NSMCE2: variants seen among roughly 807,000 people sequenced by gnomAD.
NSMCE2 encodes the protein E3 SUMO-protein ligase NSE2.
A neutral mutation model predicts 23.8 loss-of-function variants in NSMCE2; 24 were observed. The observed-to-expected ratio is 1.01, with a 90% CI of 0.73 to 1.42. NSMCE2 has a LOEUF of 1.42. Among genes scored for constraint, NSMCE2 ranks in the 40% most tolerant of loss-of-function variants. The pLI, the probability that NSMCE2 is intolerant of heterozygous loss-of-function variation, is 0.00. For missense variants in NSMCE2, 284 were observed against 296.5 expected, an observed-to-expected ratio of 0.96 and a Z score of 0.31; for synonymous variants, 92 against 94.1, an observed-to-expected ratio of 0.98 and a Z score of 0.13.
intron 5 of NSMCE2, among the ~76,000 whole-genome samples, chr8:125,349,683 T>C (rs1812949731): frequency 1.3e-5 from 2 of 152,134 alleles, no homozygotes; most frequent in South Asian, 4.1e-4. Context: ...TAAAACTTTC[T>C]AACTGGTAGC....
intron 5 of NSMCE2, among the ~76,000 whole-genome samples, chr8:125,190,597 G>T (rs1823301680): frequency 6.6e-6 from 1 of 152,140 alleles, no homozygotes; most frequent in Non-Finnish European, 1.5e-5. Context: ...TTTTAATGAG[G>T]TCATTAAGCT....
intron 3 of NSMCE2, among the ~76,000 whole-genome samples, chr8:125,115,526 A>C (rs1319269790): frequency 6.6e-6 from 1 of 152,196 alleles, no homozygotes; most frequent in Non-Finnish European, 1.5e-5. Context: ...CAAGTCACAC[A>C]GATCACCTGA....
At chr8:125,187,409 C>A (rs1233974135) in intron 5 of NSMCE2, among the ~76,000 whole-genome samples, 3 of 152,208 alleles carry the variant, frequency 2.0e-5, no homozygotes, top group Non-Finnish European at 4.4e-5. Flanking sequence ...CGGTTTAAGG[C>A]AGACATAACC....
chr8:125,216,167 A>G (rs1037480214), intron 5 of NSMCE2, among the ~76,000 whole-genome samples: 1 of 152,162 alleles, frequency 6.6e-6, no homozygotes, highest in Non-Finnish European at 1.5e-5. Context: ...ATTCTCTTTT[A>G]AGGCTGAATA....
chr8:125,224,020 G>GT (rs1334835282), intron 5 of NSMCE2, among the ~76,000 whole-genome samples: 1 of 151,968 alleles, frequency 6.6e-6, no homozygotes, highest in African/African-American at 2.4e-5. Context: ...TAAATTTTTA[G>GT]TAGAGAGGAG....
intron 5 of NSMCE2, among the ~76,000 whole-genome samples, chr8:125,292,453 C>T (rs1027383188): frequency 1.7e-4 from 26 of 151,926 alleles, no homozygotes; most frequent in African/African-American, 6.3e-4. Flanking sequence ...ACTTGGGAGG[C>T]TAAGGCAGGA....
intron 5 of NSMCE2, among the ~76,000 whole-genome samples, chr8:125,353,265 G>C (rs1484953513): frequency 1.3e-5 from 2 of 152,198 alleles, no homozygotes; most frequent in Admixed American, 6.5e-5. Context: ...ACAAAATTAA[G>C]AAAGAGCTAC....
intron 5 of NSMCE2, among the ~76,000 whole-genome samples, chr8:125,309,593 C>T (rs1828901096): frequency 6.6e-6 from 1 of 152,048 alleles, no homozygotes; most frequent in Non-Finnish European, 1.5e-5. Context: ...GGCGTGGTGG[C>T]ACATGCTTGC....
chr8:125,349,929 A>C (rs571387362), intron 5 of NSMCE2, among the ~76,000 whole-genome samples: 3 of 152,204 alleles, frequency 2.0e-5, no homozygotes, highest in Admixed American at 1.3e-4. Flanking sequence ...AAAACCTATA[A>C]AATCATCATT....
chr8:125,289,991 A>G (rs1828045295), intron 5 of NSMCE2, among the ~76,000 whole-genome samples: 1 of 152,216 alleles, frequency 6.6e-6, no homozygotes, highest in Non-Finnish European at 1.5e-5. Context: ...AGTGTTTTTC[A>G]CGGAGTTTAA....
Position 125,237,599 on chromosome 8 carries a change from T to G in NSMCE2, c.418+55343T>G, listed in dbSNP as rs115814644. On this transcript the variant is annotated intron_variant, in intron 5 of 7. Coordinates refer to ENST00000287437, the MANE Select transcript of NSMCE2 (RefSeq NM_173685.4). ...AGGAGATAATTCACTATCAGGCTGA[T>G]AGAGTAATTCAGTTATGCCCTATTC... Among the ~76,000 whole-genome samples the G allele has an allele frequency of 5.6e-3, 855 of 152,352 alleles. 10 individuals carry two copies. The highest frequency in any genetic ancestry group is 0.019 in the African/African-American group (805 of 41,592).
intron 5 of NSMCE2, among the ~76,000 whole-genome samples, chr8:125,338,041 A>ATT (rs1830120917): frequency 6.6e-6 from 1 of 152,160 alleles, no homozygotes; most frequent in African/African-American, 2.4e-5. Flanking sequence ...TTAAAGCTGG[A>ATT]ATGGATTTTT....
In NSMCE2 at chr8:125,199,075, CTCTT is replaced by C. The variant is rs1823754053; in HGVS notation, c.418+16821_418+16824del. 2.0e-5 allele frequency among the ~76,000 whole-genome samples: 3 copies of C among 152,084 alleles called. No homozygotes were observed. In the South Asian group the frequency reaches 6.2e-4, roughly 32 times the overall value. On this transcript the variant is annotated intron_variant, in intron 5 of 7. Transcript: ENST00000287437. The stretch of plus-strand genomic sequence containing the variant: ...TTTATTGCGTCTGTATGATTCCTCT[CTCTT>C]TTCTTCTTTATTAGTCTTGCTAGTG...
At chr8:125,115,264 A>C (rs1420171509) in intron 3 of NSMCE2, among the ~76,000 whole-genome samples, 1 of 152,176 alleles carries the variant, frequency 6.6e-6, no homozygotes, top group Non-Finnish European at 1.5e-5. Context: ...GCTGGTTATG[A>C]AGCAGTTACC....
intron 5 of NSMCE2, among the ~76,000 whole-genome samples, chr8:125,302,320 T>C (rs750709833): frequency 1.3e-5 from 2 of 152,076 alleles, no homozygotes; most frequent in South Asian, 4.1e-4. Flanking sequence ...GTTAAAAGCA[T>C]TGGGGATAAA....
chr8:125,316,727 C>CT (rs1829213634), intron 5 of NSMCE2, among the ~76,000 whole-genome samples: 1 of 60,290 alleles, frequency 1.7e-5, no homozygotes, highest in African/African-American at 5.5e-5. Flanking sequence ...TCTTTCTTTC[C>CT]TTCTTTTCCT....
At chr8:125,226,525 G>A (rs1186288452) in intron 5 of NSMCE2, among the ~76,000 whole-genome samples, 1 of 152,130 alleles carries the variant, frequency 6.6e-6, no homozygotes, top group Admixed American at 6.5e-5. Flanking sequence ...GATCTCATTC[G>A]TGATGCTTGG....
intron 3 of NSMCE2, among the ~76,000 whole-genome samples, chr8:125,114,177 C>G (rs146537233): frequency 8.3e-4 from 126 of 152,242 alleles, no homozygotes; most frequent in African/African-American, 3.0e-3. Flanking sequence ...CCTTTCTCTG[C>G]TTTATTTTTC....
At chr8:125,093,536 A>G (rs960940362) in intron 1 of NSMCE2, among the ~76,000 whole-genome samples, 6 of 150,964 alleles carry the variant, frequency 4.0e-5, no homozygotes, top group Admixed American at 2.0e-4. Context: ...TAAAAATACA[A>G]TAAATAAATA....
Sources: gnomAD v4.1 joint callset for allele counts (sites outside exome capture counted in the v4.1 genomes callset) on GRCh38, gnomAD v4.1.1 for gene constraint, MANE v1.5 for transcripts, NCBI Gene and HGNC (gene_info 2026-07-23, HGNC 2026-07-21) for gene names.